Variants in LRRC38 observed in about 807,000 individuals in gnomAD.
LRRC38 encodes leucine-rich repeat-containing protein 38.
In LRRC38, 5 loss-of-function variants were observed where a neutral mutation model predicts 16.4. The observed-to-expected ratio is 0.31, with a 90% CI of 0.16 to 0.64. The LOEUF (loss-of-function observed/expected upper bound fraction) is 0.64, where lower values mean the gene tolerates loss of function less well. Ranked by LOEUF, LRRC38 falls within the 30% of genes least tolerant of loss-of-function variation. The pLI, the probability that LRRC38 is intolerant of heterozygous loss-of-function variation, is 0.80. For synonymous variants in LRRC38, 191 were observed against 190.2 expected, an observed-to-expected ratio of 1.00 and a Z score of -0.04; for missense variants, 341 against 401.8, an observed-to-expected ratio of 0.85 and a Z score of 1.29.
chr1:13,475,674 A>T lies in LRRC38; in HGVS notation c.*172T>A, dbSNP rs1193810066. The T allele has an allele frequency of 2.6e-6, 2 of 764,426 alleles. No homozygotes were observed. Among genetic ancestry groups the T allele is most frequent in the Non-Finnish European group, 4.1e-6 (2 of 489,078 alleles). 47.4% of individuals were successfully genotyped at this position (764,426 alleles called of 1,614,324 possible). ...GGCTTCTGTGCTCTGCTGATTCTAA[A>T]CTCTGAGATCAGTGGTCCCAGCAGG... On this transcript the variant is annotated 3_prime_UTR_variant, in exon 2 of 2. Coordinates refer to ENST00000376085, the MANE Select transcript of LRRC38 (RefSeq NM_001010847.2). This position sits in a 1 kb window ranked among gnomAD's most constrained non-coding sequence, Gnocchi z 4.3.
At chr1:13,492,517 A>G (rs1305519423) in intron 1 of LRRC38, among the ~76,000 whole-genome samples, 1 of 152,102 alleles carries the variant, frequency 6.6e-6, no homozygotes, top group African/African-American at 2.4e-5. Context: ...CCTGGCCAAC[A>G]TGGCACAACC....
Position 13,513,324 on chromosome 1 carries a change from G to C in LRRC38, c.270C>G (p.Asn90Lys). ...TGCCCTCCTCCAGCGAGCGCAGCGA[G>C]TTGTTCCTGAAGTCCAGGTAGACCA... ...GDLVYLDFRN[N>K]SLRSLEEGTF... The change falls in exon 1 of 2, where the codon AAC becomes AAG. Residue 90 changes from asparagine to lysine, a missense_variant. By Grantham distance (94) the Asn-to-Lys change is moderately conservative. Coordinates refer to ENST00000376085, the MANE Select transcript of LRRC38 (RefSeq NM_001010847.2). 1 of 1,550,984 alleles carries C rather than the reference G, an allele frequency of 6.4e-7. No individual in the cohort carries two copies. The highest frequency in any genetic ancestry group is 8.7e-7 in the Non-Finnish European group (1 of 1,147,060).
chr1:13,477,059 C>A (rs569445639), intron 1 of LRRC38, among the ~76,000 whole-genome samples: 1 of 152,026 alleles, frequency 6.6e-6, no homozygotes, highest in Admixed American at 6.6e-5. Context: ...GAGCTGAGAT[C>A]GCCCCACTGC....
At chr1:13,504,929 T>C (rs893889647) in intron 1 of LRRC38, among the ~76,000 whole-genome samples, 9 of 151,960 alleles carry the variant, frequency 5.9e-5, no homozygotes, top group African/African-American at 2.2e-4. Flanking sequence ...GAGACAAGCA[T>C]ATGAGCGAGG....
At position 13,513,360 on chromosome 1, in the gene LRRC38, G is replaced by T; in HGVS notation, c.234C>A (p.Phe78Leu). Residue 78 changes from phenylalanine (F) to leucine (L), a missense_variant, in exon 1 of 2, where the codon TTC (phenylalanine) becomes TTA (leucine). Phe to Leu is a conservative substitution (Grantham distance 22). Coordinates refer to ENST00000376085, the MANE Select transcript of LRRC38 (RefSeq NM_001010847.2). ...AGTCCAGGTAGACCAGGTCGCCGTA[G>T]AAGATGAAGAAGTCCTCGGGGATCC... Reference protein sequence around the residue: ...IQRIPEDFFIFYGDLVYLDFR... With the variant: ...IQRIPEDFFILYGDLVYLDFR... 6.4e-7 allele frequency: 1 copy of T among 1,550,866 alleles called. No homozygotes were observed. The highest frequency in any genetic ancestry group is 1.2e-5 in the South Asian group (1 of 84,066).
chr1:13,508,132 G>A (rs1186026126), intron 1 of LRRC38, among the ~76,000 whole-genome samples: 2 of 151,998 alleles, frequency 1.3e-5, no homozygotes, highest in African/African-American at 2.4e-5. Context: ...AGCTACTGGG[G>A]AGGCTGAGGC....
chr1:13,492,907 C>T (rs1639032507), intron 1 of LRRC38, among the ~76,000 whole-genome samples: 1 of 152,126 alleles, frequency 6.6e-6, no homozygotes, highest in Non-Finnish European at 1.5e-5. Context: ...CCGCTCCCCT[C>T]TCCCCCCTGA....
Position 13,501,754 on chromosome 1 carries a change from C to T in LRRC38, c.631+11209G>A, listed in dbSNP as rs575862702. 3.3e-5 allele frequency among the ~76,000 whole-genome samples: 5 copies of T among 149,332 alleles called. No homozygotes were observed. In the East Asian group the frequency reaches 6.0e-4, roughly 18 times the overall value. On this transcript the variant is annotated intron_variant, in intron 1 of 1. Transcript: ENST00000376085. ...GATTACAGGTGCGCGCCACCATGCC[C>T]GGCTCATTTTTGTTTTTGTTTGTTT...
intron 1 of LRRC38, among the ~76,000 whole-genome samples, chr1:13,478,618 T>C (rs1476354222): frequency 2.6e-5 from 4 of 152,218 alleles, no homozygotes; most frequent in Non-Finnish European, 5.9e-5. Context: ...TTTTTGGTGC[T>C]TCCAGGTTTC....
intron 1 of LRRC38, among the ~76,000 whole-genome samples, chr1:13,494,108 G>T (rs1401009980): frequency 3.9e-5 from 6 of 152,184 alleles, no homozygotes; most frequent in East Asian, 1.9e-4. Flanking sequence ...AGAACTGGAA[G>T]ATAACAGATT....
At chr1:13,512,931 CT>C in intron 1 of LRRC38, 31 bp downstream of exon 1, 9 of 1,404,092 alleles carry the variant, frequency 6.4e-6, no homozygotes, top group East Asian at 5.1e-5. Context: ...GCCCCCCTCC[CT>C]CCCTCCCCCA....
At position 13,513,190 on chromosome 1, in the gene LRRC38, A is replaced by C; in HGVS notation, c.404T>G (p.Leu135Arg). 6.4e-7 allele frequency: 1 copy of C among 1,550,498 alleles called. No homozygotes were observed. The highest frequency in any genetic ancestry group is 8.7e-7 in the Non-Finnish European group (1 of 1,146,952). ...RSAGRLVKLS[L>R]ANNNLVGVHE... ...CACGCCCACCAGGTTGTTGTTAGCC[A>C]GGCTAAGCTTCACCAGCCTCCCGGC... Residue 135 changes from leucine (L) to arginine (R), a missense_variant, in exon 1 of 2, where the codon CTG becomes CGG. Leu to Arg is a moderately radical substitution (Grantham distance 102, BLOSUM62 -2). Coordinates refer to ENST00000376085, the MANE Select transcript of LRRC38 (RefSeq NM_001010847.2).
chr1:13,502,244 G>C (rs1045889020), intron 1 of LRRC38, among the ~76,000 whole-genome samples: 23 of 151,858 alleles, frequency 1.5e-4, no homozygotes, highest in Non-Finnish European at 1.3e-4. Flanking sequence ...CCCGGCCAAA[G>C]TCTATTGATT....
chr1:13,485,208 C>T (rs1288460868), intron 1 of LRRC38, among the ~76,000 whole-genome samples: 1 of 144,008 alleles, frequency 6.9e-6, no homozygotes, highest in Non-Finnish European at 1.5e-5. Flanking sequence ...ACCCGGGAGG[C>T]GGAGGTTGTG....
intron 1 of LRRC38, among the ~76,000 whole-genome samples, chr1:13,492,760 A>G (rs950969311): frequency 6.6e-6 from 1 of 152,170 alleles, no homozygotes; most frequent in Admixed American, 6.5e-5. Flanking sequence ...CTGACACTCT[A>G]TGAATTCTTC....
intron 1 of LRRC38, among the ~76,000 whole-genome samples, chr1:13,479,401 CA>C (rs1638825404): frequency 6.6e-6 from 1 of 152,176 alleles, no homozygotes; most frequent in Admixed American, 6.5e-5. Context: ...GAAGCGGTAT[CA>C]ACCGGAAAAC....
intron 1 of LRRC38, among the ~76,000 whole-genome samples, chr1:13,496,681 G>A (rs76970641): frequency 0.07 from 10,692 of 151,996 alleles, 492 homozygotes; most frequent in East Asian, 0.18. Context: ...TATTACCTGC[G>A]AGCACAGTCC....
chr1:13,481,392 T>A lies in LRRC38; in HGVS notation c.632-5293A>T, dbSNP rs574470678. 5.6e-3 allele frequency among the ~76,000 whole-genome samples: 666 copies of A among 119,348 alleles called. 5 individuals carry two copies. The highest frequency in any genetic ancestry group is 0.015 in the African/African-American group (534 of 34,642). The allele number at this position is 119,348 out of a possible 152,430, so 78.3% of individuals were successfully genotyped here. A position where few individuals can be genotyped will look rare whatever the true frequency, so the allele number is the denominator to read the frequency against. ...TGTTCTTATGTTTTTTTTATTTTTT[T>A]TTTTTTGTTCTTTTTTTGAGATGGA... On this transcript the variant is annotated intron_variant, in intron 1 of 1. Transcript: ENST00000376085.
intron 1 of LRRC38, among the ~76,000 whole-genome samples, chr1:13,500,851 C>T (rs954848044): frequency 5.3e-5 from 8 of 152,032 alleles, no homozygotes; most frequent in African/African-American, 1.7e-4. Flanking sequence ...AATGATACGA[C>T]GTTCTGGAAA....
Sources: allele counts gnomAD v4.1 joint callset (sites outside exome capture counted in the v4.1 genomes callset), GRCh38; gene constraint gnomAD v4.1.1; non-coding constraint Gnocchi (gnomAD v3.1); transcripts MANE v1.5; gene names NCBI Gene and HGNC (gene_info 2026-07-23, HGNC 2026-07-21).